Variants in JAK1 observed in about 807,000 individuals in gnomAD.
JAK1 encodes the protein tyrosine-protein kinase JAK1.
JAK1 carries 16 observed loss-of-function variants against 136.6 expected under a neutral mutation model. The observed-to-expected ratio is 0.12, with a 90% CI of 0.08 to 0.18. JAK1 has a LOEUF of 0.18. Among genes scored for constraint, JAK1 ranks in the 10% least tolerant of loss-of-function variants. The pLI is 1.00. For missense variants in JAK1, 859 were observed against 1,450.1 expected (o/e 0.59, Z 6.62); for synonymous variants, 492 against 519.5 (o/e 0.95, Z 0.72).
intron 1 of JAK1, among the ~76,000 whole-genome samples, chr1:65,061,004 A>G (rs1647768836): frequency 6.6e-6 from 1 of 152,186 alleles, no homozygotes; most frequent in Admixed American, 6.5e-5. Flanking sequence ...ATTTTAAACT[A>G]CTTCTTCTAT....
At chr1:65,009,832 T>G (rs950239729) in intron 2 of JAK1, among the ~76,000 whole-genome samples, 8 of 152,204 alleles carry the variant, frequency 5.3e-5, no homozygotes, top group Admixed American at 5.2e-4. Context: ...TTCTGGCTCT[T>G]ACATCTCAGG....
intron 2 of JAK1, among the ~76,000 whole-genome samples, chr1:64,986,701 G>A (rs546929111): frequency 6.6e-6 from 1 of 152,080 alleles, no homozygotes; most frequent in Non-Finnish European, 1.5e-5. Flanking sequence ...TTCAAGACCA[G>A]CCTGGGAAAC....
intron 1 of JAK1, among the ~76,000 whole-genome samples, chr1:64,955,344 G>C (rs1172739522): frequency 6.6e-6 from 1 of 152,192 alleles, no homozygotes; most frequent in African/African-American, 2.4e-5. Context: ...ACCGCTTGTT[G>C]GGGTAGGGAG....
At chr1:64,994,926 A>G (rs1646690340) in intron 2 of JAK1, 1 of 149,688 alleles carries the variant, frequency 6.7e-6, no homozygotes, top group African/African-American at 2.5e-5. Context: ...AAGACGTGAC[A>G]CCATACATGT....
intron 2 of JAK1, among the ~76,000 whole-genome samples, chr1:64,997,212 C>T (rs1160108630): frequency 6.6e-6 from 1 of 151,964 alleles, no homozygotes; most frequent in Admixed American, 6.6e-5. Context: ...GAATATAAAC[C>T]CAGAGTCAAA....
rs1046671453 is a variant in JAK1 at position 64,986,141 on chromosome 1, T to C, written c.-78+58339A>G. On this transcript the variant is annotated intron_variant, in intron 2 of 25. Transcript: ENST00000671954. ...TTTTTTTTGGACAGAGTTTCACTCTTGTTGCTCAGCCTGGAGTGCAGTGGG... is the reference window on the plus strand; with the variant it reads ...TTTTTTTTGGACAGAGTTTCACTCTCGTTGCTCAGCCTGGAGTGCAGTGGG... 2.3e-4 allele frequency: 134 copies of C among 588,450 alleles called. 1 individual carries two copies. The highest frequency in any genetic ancestry group is 3.5e-4 in the Non-Finnish European group (124 of 352,258). 36.5% of individuals were successfully genotyped at this position (588,450 alleles called of 1,614,324 possible).
chr1:65,023,913 C>CTTTTTTTTTTT (rs35481521), intron 2 of JAK1, among the ~76,000 whole-genome samples: 1 of 119,386 alleles, frequency 8.4e-6, no homozygotes. Flanking sequence ...TAGATTCATC[C>CTTTTTTTTTTT]TTTTTTTTTT....
chr1:64,991,403 A>G (rs1316047967), intron 2 of JAK1: 2 of 152,192 alleles, frequency 1.3e-5, no homozygotes, highest in African/African-American at 2.4e-5. Flanking sequence ...ACCTCTTCAC[A>G]TGGTCGTACT....
In JAK1 at chr1:64,883,335, C is replaced by A. The variant is rs1644803856; in HGVS notation, c.147G>T (p.Arg49=). 1 of 1,614,182 alleles carries A rather than the reference C, an allele frequency of 6.2e-7. No individual in the cohort carries two copies. Among genetic ancestry groups the A allele is most frequent in the Non-Finnish European group, 8.5e-7 (1 of 1,180,010 alleles). ...CTGCTGTGTACTCTCCACTGCCCAGCCGGAGGGGCTCCCTGTCCGACAGAT... is the reference window on the plus strand; with the variant it reads ...CTGCTGTGTACTCTCCACTGCCCAGACGGAGGGGCTCCCTGTCCGACAGAT... ...IFYLSDREPL[R]LGSGEYTAEE... The change falls in exon 3 of 25, where the codon CGG becomes CGT. Residue 49 remains arginine (R), a synonymous_variant. Transcript: ENST00000342505.
At chr1:64,878,971 C>T (rs760401221) in intron 4 of JAK1, 54 bp downstream of exon 4, 110 of 1,581,188 alleles carry the variant, frequency 7.0e-5, no homozygotes, top group Non-Finnish European at 9.2e-5. Context: ...AGGCTGACCA[C>T]TGTCCCTCAG....
intron 1 of JAK1, among the ~76,000 whole-genome samples, chr1:64,955,285 C>G (rs568039246): frequency 1.3e-5 from 2 of 152,114 alleles, no homozygotes; most frequent in East Asian, 3.8e-4. Context: ...CAGAACACGA[C>G]GTACTGGAAC....
chr1:64,994,171 G>A (rs928587068), intron 2 of JAK1, among the ~76,000 whole-genome samples: 1 of 152,066 alleles, frequency 6.6e-6, no homozygotes, highest in Admixed American at 6.5e-5. Flanking sequence ...AAACTCTTGG[G>A]CTCAAGTAAT....
intron 1 of JAK1, among the ~76,000 whole-genome samples, chr1:64,894,596 T>C (rs867393272): frequency 2.0e-5 from 3 of 151,190 alleles, no homozygotes; most frequent in Non-Finnish European, 4.4e-5. Flanking sequence ...CCGTCTCTAC[T>C]AAAAAAAACA....
intron 5 of JAK1, among the ~76,000 whole-genome samples, 170 bp downstream of exon 5, chr1:64,873,200 C>T (rs1295103953): frequency 6.6e-6 from 1 of 152,176 alleles, no homozygotes; most frequent in Non-Finnish European, 1.5e-5. Context: ...AGCTGAAATG[C>T]TGCCTTTTTT....
intron 1 of JAK1, among the ~76,000 whole-genome samples, chr1:64,948,284 C>G (rs1646023213): frequency 6.6e-6 from 1 of 152,228 alleles, no homozygotes; most frequent in African/African-American, 2.4e-5. Flanking sequence ...AGCTCATATA[C>G]TGAGCATAGT....
intron 21 of JAK1, 40 bp from the exon 22 acceptor site, chr1:64,838,144 C>A (rs2100945754): frequency 1.3e-6 from 2 of 1,556,054 alleles, no homozygotes; most frequent in South Asian, 2.3e-5. Flanking sequence ...TTGCTAAAGT[C>A]ACTTTAGATT....
intron 5 of JAK1, among the ~76,000 whole-genome samples, chr1:64,869,676 A>G (rs143307228): frequency 2.0e-5 from 3 of 152,336 alleles, no homozygotes; most frequent in Non-Finnish European, 4.4e-5. Flanking sequence ...CATTCATTTA[A>G]CAAAACATTG....
chr1:64,970,366 G>A (rs924968015), upstream of JAK1, among the ~76,000 whole-genome samples: 13 of 151,398 alleles, frequency 8.6e-5, no homozygotes, highest in African/African-American at 1.2e-4. Context: ...GCTTGAACCC[G>A]GAAGGCAGAG....
intron 1 of JAK1, among the ~76,000 whole-genome samples, chr1:64,940,849 G>A (rs886841406): frequency 7.9e-5 from 12 of 151,976 alleles, no homozygotes; most frequent in Admixed American, 5.9e-4. Flanking sequence ...ATATATTTTC[G>A]GATTTTTTCA....
Sources: allele counts gnomAD v4.1 joint callset (sites outside exome capture counted in the v4.1 genomes callset), GRCh38; gene constraint gnomAD v4.1.1; transcripts MANE v1.5; gene names NCBI Gene and HGNC (gene_info 2026-07-23, HGNC 2026-07-21).